APBA2: variants seen among roughly 807,000 people sequenced by gnomAD.
The protein encoded by APBA2 is amyloid beta precursor protein binding family A member 2.
APBA2 carries 30 observed loss-of-function variants against 75.0 expected under a neutral mutation model. That is an observed-to-expected ratio of 0.40 (90% confidence interval 0.30 to 0.54). The LOEUF (loss-of-function observed/expected upper bound fraction) is 0.54. Among genes scored for constraint, APBA2 ranks in the 20% least tolerant of loss-of-function variants. The probability of loss-of-function intolerance (pLI) is 0.49; values close to 1 mark genes in which losing one functional copy is unlikely to be tolerated. For missense variants in APBA2, 801 were observed against 1,016.1 expected (o/e 0.79, Z 2.88); for synonymous variants, 444 against 409.6 (o/e 1.08, Z -1.01).
chr15:28,966,960 T>G (rs964656032), intron 2 of APBA2, among the ~76,000 whole-genome samples: 1 of 152,230 alleles, frequency 6.6e-6, no homozygotes, highest in African/African-American at 2.4e-5. Flanking sequence ...CCGTATCCAC[T>G]GAGTACCTTA....
intron 3 of APBA2, among the ~76,000 whole-genome samples, chr15:29,039,346 C>T (rs1017056450): frequency 2.0e-5 from 3 of 151,924 alleles, no homozygotes; most frequent in Non-Finnish European, 4.4e-5. Context: ...CCCTTAACAG[C>T]GTAACTCTCT....
intron 2 of APBA2, among the ~76,000 whole-genome samples, chr15:28,929,159 G>A (rs1230176850): frequency 3.3e-5 from 5 of 152,134 alleles, no homozygotes; most frequent in African/African-American, 2.4e-5. Flanking sequence ...TACCCTAACC[G>A]GGAATCATGT....
At chr15:28,955,975 G>A (rs2036147833) in intron 2 of APBA2, among the ~76,000 whole-genome samples, 1 of 152,292 alleles carries the variant, frequency 6.6e-6, no homozygotes, top group African/African-American at 2.4e-5. Flanking sequence ...ACAGTCTCAG[G>A]CCCCACCCTG....
chr15:28,972,631 GTTCT>G (rs1238121233), intron 2 of APBA2, among the ~76,000 whole-genome samples: 2 of 152,218 alleles, frequency 1.3e-5, no homozygotes, highest in Admixed American at 6.5e-5. Context: ...CCAGCCAATG[GTTCT>G]TTAAGTGATT....
At chr15:28,921,234 G>T (rs2033953999) in intron 1 of APBA2, among the ~76,000 whole-genome samples, 1 of 152,172 alleles carries the variant, frequency 6.6e-6, no homozygotes, top group African/African-American at 2.4e-5. Context: ...CAGAGCAAAT[G>T]AAACCTGAAA....
At chr15:28,956,588 C>G (rs1352806530) in intron 2 of APBA2, among the ~76,000 whole-genome samples, 2 of 152,124 alleles carry the variant, frequency 1.3e-5, no homozygotes, top group African/African-American at 4.8e-5. Context: ...TAGGATTCAC[C>G]TTCTGGAACC....
At chr15:28,989,979 C>T (rs529983018) in intron 2 of APBA2, among the ~76,000 whole-genome samples, 2 of 152,106 alleles carry the variant, frequency 1.3e-5, no homozygotes, top group African/African-American at 4.8e-5. Context: ...AGTTTAGTAT[C>T]GAGAATCACT....
intron 3 of APBA2, among the ~76,000 whole-genome samples, chr15:29,040,731 A>C (rs2040994371): frequency 2.0e-5 from 3 of 152,216 alleles, no homozygotes; most frequent in South Asian, 2.1e-4. Context: ...CTCTCATTCA[A>C]CATTTTTAAT....
chr15:29,074,896 C>T lies in APBA2; in HGVS notation c.952-25C>T, dbSNP rs370063638. The stretch of plus-strand genomic sequence containing the variant: ...TGCATTTCTCTAACATATAAAATCA[C>T]GATCTTTAACTTCCCCGTTTCCAGG... On this transcript the variant is annotated intron_variant, in intron 4 of 14. Transcript: ENST00000683413. 2.3e-5 allele frequency: 37 copies of T among 1,610,860 alleles called. 1 individual carries two copies. The highest frequency in any genetic ancestry group is 1.8e-4 in the South Asian group (16 of 90,918).
chr15:29,049,988 G>T (rs1416355474), intron 3 of APBA2, among the ~76,000 whole-genome samples: 1 of 152,060 alleles, frequency 6.6e-6, no homozygotes, highest in Non-Finnish European at 1.5e-5. Flanking sequence ...GTAAGATGTG[G>T]GACTTGATTC....
intron 13 of APBA2, 51 bp from the exon 14 acceptor site, chr15:29,113,825 C>T: frequency 1.3e-6 from 2 of 1,596,580 alleles, no homozygotes; most frequent in Non-Finnish European, 1.7e-6. Flanking sequence ...TGGTGGAGCG[C>T]CTGTCGGGTG....
chr15:28,985,057 C>G (rs1401769659), intron 2 of APBA2, among the ~76,000 whole-genome samples: 1 of 152,194 alleles, frequency 6.6e-6, no homozygotes, highest in Non-Finnish European at 1.5e-5. Flanking sequence ...TCTGTCCAGT[C>G]TGTACACATT....
chr15:29,005,722 G>C (rs761646863), intron 3 of APBA2, among the ~76,000 whole-genome samples: 57 of 152,118 alleles, frequency 3.7e-4, no homozygotes, highest in Non-Finnish European at 5.9e-4. Context: ...AAAATTGCCT[G>C]TCGTGGTGGC....
chr15:28,945,402 A>G (rs1262976931), intron 2 of APBA2, among the ~76,000 whole-genome samples: 3 of 152,130 alleles, frequency 2.0e-5, no homozygotes, highest in African/African-American at 7.2e-5. Context: ...TTTTGTCAGC[A>G]CTCAGGATTT....
At chr15:28,908,230 C>T (rs187343127) in intron 1 of APBA2, among the ~76,000 whole-genome samples, 3 of 152,234 alleles carry the variant, frequency 2.0e-5, no homozygotes, top group African/African-American at 4.8e-5. Flanking sequence ...CTGCCTTGTC[C>T]TCCAATAGTA....
chr15:28,940,551 T>C (rs1595513452), intron 2 of APBA2, among the ~76,000 whole-genome samples: 1 of 116,464 alleles, frequency 8.6e-6, no homozygotes, highest in African/African-American at 4.2e-5. Context: ...AGACTCTGTA[T>C]CAAAAAAAAA....
intron 8 of APBA2, among the ~76,000 whole-genome samples, chr15:29,094,820 G>A (rs985083623): frequency 2.0e-5 from 3 of 152,164 alleles, no homozygotes; most frequent in African/African-American, 2.4e-5. Context: ...AGCACTTTGG[G>A]AGACAGAGGC....
intron 3 of APBA2, among the ~76,000 whole-genome samples, chr15:29,041,335 T>C (rs1450942705): frequency 6.6e-6 from 1 of 151,874 alleles, no homozygotes; most frequent in African/African-American, 2.4e-5. Flanking sequence ...AAATAAAATT[T>C]TGCTGAGCCT....
chr15:28,963,512 A>G (rs191792555), intron 2 of APBA2, among the ~76,000 whole-genome samples: 5 of 152,354 alleles, frequency 3.3e-5, no homozygotes, highest in Admixed American at 2.6e-4. Flanking sequence ...AACAGGTGCC[A>G]GAGTCGGAAT....
Sources: allele counts gnomAD v4.1 joint callset (sites outside exome capture counted in the v4.1 genomes callset), GRCh38; gene constraint gnomAD v4.1.1; transcripts MANE v1.5; gene names NCBI Gene and HGNC (gene_info 2026-07-23, HGNC 2026-07-21).